The following PTPRD variants were observed in gnomAD, a reference collection of about 807,000 sequenced individuals.
PTPRD encodes receptor-type tyrosine-protein phosphatase delta.
A neutral mutation model predicts 214.5 loss-of-function variants in PTPRD; 34 were observed. The ratio of observed to expected loss-of-function variants is 0.16; its 90% CI spans 0.12 to 0.21. The LOEUF is 0.21. Ranked by LOEUF, PTPRD falls within the 10% of genes least tolerant of loss-of-function variation. The probability of loss-of-function intolerance (pLI) is 1.00; values close to 1 mark genes in which losing one functional copy is unlikely to be tolerated. For synonymous variants in PTPRD, 1,128 were observed against 845.7 expected (o/e 1.33, Z -5.79); for missense variants, 2,545 against 2,398.7 (o/e 1.06, Z -1.27).
At chr9:9,788,261 T>C (rs2098940509) in intron 5 of PTPRD, among the ~76,000 whole-genome samples, 1 of 151,450 alleles carries the variant, frequency 6.6e-6, no homozygotes, top group African/African-American at 2.4e-5. Flanking sequence ...GATATAAAAA[T>C]AGCTCTCTGG....
chr9:8,771,228 T>C (rs1368762591), intron 11 of PTPRD, among the ~76,000 whole-genome samples: 1 of 151,910 alleles, frequency 6.6e-6, no homozygotes, highest in Non-Finnish European at 1.5e-5. Context: ...AAATTTAAAA[T>C]TCTTTCTATT....
chr9:10,182,221 T>C (rs1314178268), intron 3 of PTPRD, among the ~76,000 whole-genome samples: 1 of 135,994 alleles, frequency 7.4e-6, no homozygotes, highest in Non-Finnish European at 1.5e-5. Flanking sequence ...GATCATGCCA[T>C]CTTGTTCCAG....
chr9:10,176,153 T>A (rs142707900), intron 3 of PTPRD, among the ~76,000 whole-genome samples: 1 of 152,016 alleles, frequency 6.6e-6, no homozygotes, highest in Admixed American at 6.6e-5. Context: ...TTACTCAATA[T>A]AGCACAATGC....
intron 12 of PTPRD, among the ~76,000 whole-genome samples, chr9:8,660,437 T>G (rs1312639450): frequency 1.3e-5 from 2 of 152,182 alleles, no homozygotes; most frequent in Admixed American, 1.3e-4. Context: ...TTCAAAAAGA[T>G]AACACTTATC....
At chr9:8,947,412 G>C (rs768339628) in intron 11 of PTPRD, among the ~76,000 whole-genome samples, 30 of 144,094 alleles carry the variant, frequency 2.1e-4, no homozygotes, top group Non-Finnish European at 4.0e-4. Context: ...GCTGTGAGCT[G>C]AGATCATGCC....
chr9:8,397,466 T>C (rs576027844), intron 36 of PTPRD, among the ~76,000 whole-genome samples: 1 of 152,300 alleles, frequency 6.6e-6, no homozygotes, highest in Non-Finnish European at 1.5e-5. Context: ...TAGGTTTTTT[T>C]GGTTTTGTTT....
At chr9:8,686,111 C>T (rs1445089509) in intron 12 of PTPRD, among the ~76,000 whole-genome samples, 1 of 152,212 alleles carries the variant, frequency 6.6e-6, no homozygotes, top group Non-Finnish European at 1.5e-5. Context: ...AACCCTTGAA[C>T]TTCTTTATCA....
intron 33 of PTPRD, 138 bp downstream of exon 33, chr9:8,460,273 A>C: frequency 9.5e-7 from 1 of 1,047,412 alleles, no homozygotes; most frequent in Non-Finnish European, 1.5e-6. Context: ...TGTAATGTAA[A>C]CACTTTTCCA....
chr9:10,591,759 C>T (rs569217107), intron 2 of PTPRD, among the ~76,000 whole-genome samples: 2 of 152,130 alleles, frequency 1.3e-5, no homozygotes, highest in African/African-American at 2.4e-5. Flanking sequence ...CTCAATTCTC[C>T]TGAGGTCATA....
At chr9:10,559,725 A>T (rs1316731540) in intron 2 of PTPRD, among the ~76,000 whole-genome samples, 1 of 152,148 alleles carries the variant, frequency 6.6e-6, no homozygotes, top group Non-Finnish European at 1.5e-5. Context: ...AAAAACAAAC[A>T]ACCCCATCAA....
Position 9,217,727 on chromosome 9 carries a change from C to T in PTPRD, c.-202-34364G>A, listed in dbSNP as rs116753105. Among the ~76,000 whole-genome samples the T allele has an allele frequency of 7.3e-3, 1,106 of 152,164 alleles. 10 individuals are homozygous for T. The highest frequency in any genetic ancestry group is 0.026 in the African/African-American group (1,077 of 41,538). ...TAGCCCCAGGCAGTCTTGACATAACCTTCCTTGGATCCATTTCTACTCTTT... is the reference window on the plus strand; with the variant it reads ...TAGCCCCAGGCAGTCTTGACATAACTTTCCTTGGATCCATTTCTACTCTTT... On this transcript the variant is annotated intron_variant, in intron 9 of 45. Coordinates refer to ENST00000381196, the MANE Select transcript of PTPRD (RefSeq NM_002839.4).
chr9:9,609,566 AATTCTCGTGCCTCAGC>A, intron 7 of PTPRD, among the ~76,000 whole-genome samples: 1 of 152,236 alleles, frequency 6.6e-6, no homozygotes, highest in African/African-American at 2.4e-5. Context: ...AGGTTCAAGC[AATTCTCGTGCCTCAGC>A]CTCCCGAGTA....
At chr9:10,382,938 A>G (rs2097850505) in intron 2 of PTPRD, among the ~76,000 whole-genome samples, 1 of 151,734 alleles carries the variant, frequency 6.6e-6, no homozygotes, top group African/African-American at 2.4e-5. Context: ...CCGTCCCTTT[A>G]GTTCTCCAAG....
chr9:9,924,130 A>G (rs1161478442), intron 5 of PTPRD, among the ~76,000 whole-genome samples: 1 of 152,074 alleles, frequency 6.6e-6, no homozygotes, highest in Non-Finnish European at 1.5e-5. Flanking sequence ...GGAAATAATG[A>G]TTTCACCAGA....
chr9:9,397,003 G>T (rs567272118), intron 9 of PTPRD, among the ~76,000 whole-genome samples: 3 of 151,870 alleles, frequency 2.0e-5, no homozygotes, highest in Non-Finnish European at 4.4e-5. Context: ...GCAATATAAG[G>T]CAATTATGTA....
At chr9:9,071,787 C>T (rs1464444523) in intron 10 of PTPRD, among the ~76,000 whole-genome samples, 2 of 152,104 alleles carry the variant, frequency 1.3e-5, no homozygotes, top group Non-Finnish European at 2.9e-5. Flanking sequence ...TTCATAAAAA[C>T]TGGGAGAAAA....
intron 11 of PTPRD, among the ~76,000 whole-genome samples, chr9:8,845,746 G>A (rs2097681398): frequency 6.6e-6 from 1 of 152,228 alleles, no homozygotes; most frequent in East Asian, 1.9e-4. Context: ...AAAAAAGTGT[G>A]TGCTTCACCA....
intron 2 of PTPRD, among the ~76,000 whole-genome samples, chr9:10,548,216 A>G (rs1231593743): frequency 6.6e-6 from 1 of 152,176 alleles, no homozygotes; most frequent in Non-Finnish European, 1.5e-5. Context: ...TTGACTCAAG[A>G]TTAGAACATA....
chr9:9,086,634 G>C (rs1241718371), intron 10 of PTPRD, among the ~76,000 whole-genome samples: 2 of 152,124 alleles, frequency 1.3e-5, no homozygotes, highest in African/African-American at 2.4e-5. Context: ...ATTGTTCCTA[G>C]GAAATATAGG....
Sources: allele counts gnomAD v4.1 joint callset (sites outside exome capture counted in the v4.1 genomes callset), GRCh38; gene constraint gnomAD v4.1.1; transcripts MANE v1.5; gene names NCBI Gene and HGNC (gene_info 2026-07-23, HGNC 2026-07-21).